Variants in RAPGEF4 observed in about 807,000 individuals in gnomAD.
RAPGEF4 encodes Rap guanine nucleotide exchange factor 4.
In RAPGEF4, 66 loss-of-function variants were observed where a neutral mutation model predicts 147.9. The ratio of observed to expected loss-of-function variants is 0.45; its 90% CI spans 0.37 to 0.55. The LOEUF is 0.55. RAPGEF4 is among the 20% of genes least tolerant of loss of function. RAPGEF4 has a pLI of 0.00. For missense variants in RAPGEF4, 1,071 were observed against 1,257.3 expected (o/e 0.85, Z 2.24); for synonymous variants, 419 against 442.7 (o/e 0.95, Z 0.67).
chr2:172,760,514 C>G (rs919086742), intron 1 of RAPGEF4, among the ~76,000 whole-genome samples: 1 of 152,176 alleles, frequency 6.6e-6, no homozygotes, highest in Middle Eastern at 3.4e-3. Context: ...GTCAGGAGAT[C>G]GAGACCATCC....
Position 172,814,400 on chromosome 2 carries a change from A to G in RAPGEF4, c.419A>G (p.Gln140Arg). ...AGCAGTGAACTGCTCCGCATCGAGC[A>G]GAAGGACTTCAAGGCACTATGGGAG... ...RESSELLRIE[Q>R]KDFKALWEKY... The change falls in exon 4 of 31, where the codon CAG (glutamine) becomes CGG (arginine). Residue 140 changes from glutamine (Q) to arginine (R), a missense_variant. Gln to Arg is a conservative substitution (Grantham distance 43). Transcript: ENST00000397081. The G allele has an allele frequency of 6.2e-7, 1 of 1,614,210 alleles. No homozygotes were observed. Among genetic ancestry groups the G allele is most frequent in the Non-Finnish European group, 8.5e-7 (1 of 1,180,032 alleles).
intron 4 of RAPGEF4, among the ~76,000 whole-genome samples, chr2:172,853,390 TTTATC>T (rs1396478622): frequency 6.6e-6 from 1 of 152,032 alleles, no homozygotes; most frequent in African/African-American, 2.4e-5. Context: ...ATTTGTCTGT[TTTATC>T]TAAGCATTCA....
At chr2:172,956,398 G>T (rs1300738687) in intron 6 of RAPGEF4, among the ~76,000 whole-genome samples, 1 of 151,826 alleles carries the variant, frequency 6.6e-6, no homozygotes, top group African/African-American at 2.4e-5. Context: ...CCTCTCCCTG[G>T]TATATTTGTC....
intron 16 of RAPGEF4, among the ~76,000 whole-genome samples, chr2:172,998,689 A>T (rs1693605632): frequency 6.6e-6 from 1 of 152,246 alleles, no homozygotes; most frequent in African/African-American, 2.4e-5. Flanking sequence ...AGAACCGGTT[A>T]TGTGAGGATA....
At chr2:172,771,821 A>T (rs1487567983) in intron 1 of RAPGEF4, among the ~76,000 whole-genome samples, 3 of 152,212 alleles carry the variant, frequency 2.0e-5, no homozygotes, top group Non-Finnish European at 4.4e-5. Context: ...AATGATATGA[A>T]GTGGTTATAT....
At chr2:172,917,109 C>T (rs539887593) in intron 4 of RAPGEF4, among the ~76,000 whole-genome samples, 1 of 152,188 alleles carries the variant, frequency 6.6e-6, no homozygotes, top group African/African-American at 2.4e-5. Flanking sequence ...CAAGCCTTAT[C>T]CCTCCTAAAC....
intron 3 of RAPGEF4, among the ~76,000 whole-genome samples, chr2:172,803,740 CCT>C (rs1332862100): frequency 2.0e-5 from 3 of 152,132 alleles, no homozygotes; most frequent in African/African-American, 7.2e-5. Flanking sequence ...GCTCTGCCTC[CCT>C]TATAAAACTG....
chr2:172,981,327 T>C (rs1374476706), intron 10 of RAPGEF4, among the ~76,000 whole-genome samples: 2 of 152,202 alleles, frequency 1.3e-5, no homozygotes, highest in African/African-American at 4.8e-5. Context: ...TCTATAGTAG[T>C]AGATGGATGA....
intron 4 of RAPGEF4, among the ~76,000 whole-genome samples, chr2:172,824,474 G>A (rs924574640): frequency 1.6e-4 from 24 of 152,336 alleles, no homozygotes; most frequent in African/African-American, 5.8e-4. Flanking sequence ...TTCCTTACAA[G>A]TCTGTGTTGA....
chr2:173,027,350 G>T, intron 25 of RAPGEF4, 91 bp downstream of exon 25: 2 of 1,129,174 alleles, frequency 1.8e-6, no homozygotes, highest in South Asian at 3.5e-5. Context: ...AGAAAAGCAG[G>T]ATCTAGGAAC....
At chr2:172,940,839 G>C (rs1687072793) in intron 6 of RAPGEF4, among the ~76,000 whole-genome samples, 1 of 152,100 alleles carries the variant, frequency 6.6e-6, no homozygotes, top group South Asian at 2.1e-4. Context: ...TAACAGTATT[G>C]AGTCTGATAA....
chr2:172,773,175 T>A (rs2149492449), intron 1 of RAPGEF4, among the ~76,000 whole-genome samples: 1 of 152,340 alleles, frequency 6.6e-6, no homozygotes, highest in African/African-American at 2.4e-5. Flanking sequence ...TTTTACTGGA[T>A]AATATGATTT....
chr2:172,993,492 G>A (rs2105752192), intron 15 of RAPGEF4, among the ~76,000 whole-genome samples: 1 of 152,258 alleles, frequency 6.6e-6, no homozygotes, highest in African/African-American at 2.4e-5. Context: ...AATATTTTAT[G>A]TCAGAGGTTT....
chr2:172,958,397 G>A (rs950260596), intron 6 of RAPGEF4, among the ~76,000 whole-genome samples: 6 of 152,164 alleles, frequency 3.9e-5, no homozygotes, highest in African/African-American at 9.7e-5. Context: ...AATATGTAGC[G>A]TGTTTTAACT....
intron 19 of RAPGEF4, 131 bp downstream of exon 19, chr2:173,016,568 C>A (rs1251538045): frequency 2.8e-6 from 2 of 708,238 alleles, no homozygotes; most frequent in Non-Finnish European, 4.9e-6. Context: ...GCAGACTGGG[C>A]TGAGGGCATA....
intron 1 of RAPGEF4, among the ~76,000 whole-genome samples, chr2:172,791,733 C>T (rs1269990618): frequency 1.3e-5 from 2 of 152,088 alleles, no homozygotes; most frequent in African/African-American, 4.8e-5. Flanking sequence ...TTTGTCTTTC[C>T]AAGTGTCTTT....
intron 1 of RAPGEF4, among the ~76,000 whole-genome samples, chr2:172,784,434 C>CT (rs2149518468): frequency 6.6e-6 from 1 of 151,844 alleles, no homozygotes; most frequent in Non-Finnish European, 1.5e-5. Flanking sequence ...AGGAGAATGG[C>CT]TTGAACCCAG....
At chr2:172,975,198 C>A (rs1455215013) in intron 10 of RAPGEF4, among the ~76,000 whole-genome samples, 1 of 152,186 alleles carries the variant, frequency 6.6e-6, no homozygotes, top group African/African-American at 2.4e-5. Context: ...TGAAGACTTG[C>A]TGGAAAATTT....
chr2:172,974,366 G>T (rs1484129721), intron 10 of RAPGEF4, among the ~76,000 whole-genome samples: 2 of 152,124 alleles, frequency 1.3e-5, no homozygotes, highest in African/African-American at 4.8e-5. Flanking sequence ...GAAAGGAAAG[G>T]TGTCAGGGAA....
Sources: gnomAD v4.1 joint callset for allele counts (sites outside exome capture counted in the v4.1 genomes callset) on GRCh38, gnomAD v4.1.1 for gene constraint, MANE v1.5 for transcripts, NCBI Gene and HGNC (gene_info 2026-07-23, HGNC 2026-07-21) for gene names.